CLSTN2: variants seen among roughly 807,000 people sequenced by gnomAD.
CLSTN2 encodes the protein calsyntenin-2.
Under a neutral mutation model 101.2 loss-of-function variants are expected in CLSTN2, and 48 were observed. The ratio of observed to expected loss-of-function variants is 0.47; its 90% CI spans 0.38 to 0.60. The LOEUF (loss-of-function observed/expected upper bound fraction) is 0.60. Ranked by LOEUF, CLSTN2 falls within the 20% of genes least tolerant of loss-of-function variation. CLSTN2 has a pLI of 0.00. For synonymous variants in CLSTN2, 481 were observed against 463.6 expected, an observed-to-expected ratio of 1.04 and a Z score of -0.48; for missense variants, 1,160 against 1,238.2, an observed-to-expected ratio of 0.94 and a Z score of 0.95.
intron 2 of CLSTN2, among the ~76,000 whole-genome samples, chr3:140,347,701 T>A (rs912839705): frequency 1.3e-5 from 2 of 152,222 alleles, no homozygotes; most frequent in Admixed American, 1.3e-4. Context: ...TGTGTGTTCT[T>A]TTCACATGAA....
chr3:140,430,769 A>C lies in CLSTN2; in HGVS notation c.787+9495A>C, dbSNP rs534450284. Among the ~76,000 whole-genome samples the C allele has an allele frequency of 2.6e-5, 4 of 152,334 alleles. No homozygotes were observed. The South Asian group carries it at 8.3e-4, about 32-fold the overall frequency. On this transcript the variant is annotated intron_variant, in intron 5 of 16. Transcript: ENST00000458420. ...AGTGTAACAGTCCAAAGCAAAGTTC[A>C]CTGCACAAAGGGCAGGAACATCCTG...
At chr3:140,404,814 C>A in intron 4 of CLSTN2, 48 bp downstream of exon 4, 1 of 1,496,688 alleles carries the variant, frequency 6.7e-7, no homozygotes, top group Non-Finnish European at 9.3e-7. Context: ...ACAAATCCAT[C>A]GCCTCCACTC....
chr3:140,271,426 A>C (rs961715135), intron 2 of CLSTN2, among the ~76,000 whole-genome samples: 2 of 152,168 alleles, frequency 1.3e-5, no homozygotes, highest in Non-Finnish European at 2.9e-5. Context: ...TACATGGCAA[A>C]TATTTCTGTT....
chr3:140,413,089 G>T (rs767512815), intron 4 of CLSTN2, among the ~76,000 whole-genome samples: 1 of 151,948 alleles, frequency 6.6e-6, no homozygotes, highest in Non-Finnish European at 1.5e-5. Context: ...CCGTATAAAA[G>T]ATCAATGACA....
intron 8 of CLSTN2, among the ~76,000 whole-genome samples, chr3:140,494,206 A>G (rs1004415342): frequency 1.3e-5 from 2 of 152,184 alleles, no homozygotes; most frequent in African/African-American, 4.8e-5. Flanking sequence ...TCAGGGTGCA[A>G]AGCATATACA....
chr3:140,264,417 T>G (rs1478093667), intron 2 of CLSTN2, among the ~76,000 whole-genome samples: 2 of 74,928 alleles, frequency 2.7e-5, no homozygotes, highest in Admixed American at 1.1e-4. Context: ...TATATATATA[T>G]ATATATATAT....
At chr3:139,950,804 C>A (rs946544583) in intron 1 of CLSTN2, among the ~76,000 whole-genome samples, 2 of 152,126 alleles carry the variant, frequency 1.3e-5, no homozygotes, top group African/African-American at 4.8e-5. Context: ...AATGCTTGGG[C>A]CCAACCATAC....
intron 8 of CLSTN2, among the ~76,000 whole-genome samples, chr3:140,478,183 T>C (rs1934028879): frequency 6.6e-6 from 1 of 152,190 alleles, no homozygotes; most frequent in South Asian, 2.1e-4. Context: ...CTAACACAAA[T>C]ATGTGTTTAA....
intron 10 of CLSTN2, among the ~76,000 whole-genome samples, chr3:140,551,803 T>G (rs929461648): frequency 2.0e-5 from 3 of 148,480 alleles, no homozygotes; most frequent in African/African-American, 4.9e-5. Context: ...AAATTATATA[T>G]TACATATAAA....
intron 5 of CLSTN2, among the ~76,000 whole-genome samples, chr3:140,434,180 C>T (rs1169971466): frequency 6.6e-6 from 1 of 152,160 alleles, no homozygotes; most frequent in Admixed American, 6.5e-5. Flanking sequence ...AACAGTGCCC[C>T]CTTCTCCCCA....
At chr3:140,303,229 G>T (rs903798794) in intron 2 of CLSTN2, among the ~76,000 whole-genome samples, 1 of 152,184 alleles carries the variant, frequency 6.6e-6, no homozygotes, top group African/African-American at 2.4e-5. Flanking sequence ...CTTATTTTGT[G>T]CCAAGCATAT....
intron 2 of CLSTN2, among the ~76,000 whole-genome samples, chr3:140,199,524 C>T (rs931318419): frequency 6.6e-6 from 1 of 152,196 alleles, no homozygotes; most frequent in Non-Finnish European, 1.5e-5. Flanking sequence ...CAGAAAAATC[C>T]TCTCTGGTGG....
At chr3:140,204,795 C>G (rs746123277) in intron 2 of CLSTN2, among the ~76,000 whole-genome samples, 4 of 152,194 alleles carry the variant, frequency 2.6e-5, no homozygotes, top group Non-Finnish European at 5.9e-5. Context: ...TCTTATTCCC[C>G]TGGTTACTGC....
At chr3:139,978,453 T>G (rs1426040) in intron 1 of CLSTN2, among the ~76,000 whole-genome samples, 124,480 of 152,116 alleles carry the variant, frequency 0.82, 51,508 homozygotes, top group Admixed American at 0.88. Flanking sequence ...ACCCAGAGCA[T>G]AAGAATGATA....
At chr3:140,212,183 G>A (rs139525211) in intron 2 of CLSTN2, among the ~76,000 whole-genome samples, 312 of 152,266 alleles carry the variant, frequency 2.0e-3, no homozygotes, top group African/African-American at 7.2e-3. Flanking sequence ...TTTCCTGAAT[G>A]AGCAGTCATT....
intron 8 of CLSTN2, among the ~76,000 whole-genome samples, chr3:140,496,031 T>C (rs1934458153): frequency 6.6e-6 from 1 of 152,244 alleles, no homozygotes; most frequent in African/African-American, 2.4e-5. Flanking sequence ...GGGAATAGCA[T>C]TGAATCTATA....
intron 4 of CLSTN2, among the ~76,000 whole-genome samples, chr3:140,409,807 G>T (rs1478145150): frequency 3.3e-5 from 5 of 151,704 alleles, no homozygotes; most frequent in African/African-American, 1.2e-4. Flanking sequence ...AACTAAATCA[G>T]GAAAACTTTG....
At chr3:140,472,939 T>G (rs912845938) in intron 8 of CLSTN2, among the ~76,000 whole-genome samples, 6 of 152,188 alleles carry the variant, frequency 3.9e-5, no homozygotes, top group Non-Finnish European at 8.8e-5. Context: ...CCTGACTGTT[T>G]CCATTTCAAA....
rs1038157945 is a variant in CLSTN2 at position 140,359,906 on chromosome 3, T to A, written c.233-43723T>A. On this transcript the variant is annotated intron_variant, in intron 2 of 16. Transcript: ENST00000458420. Reference sequence around the variant, plus strand: ...GGTGGAAGCTCAGCAGATACAGATATAAATATAGATAGATGTTGATATAAA... The same window carrying A: ...GGTGGAAGCTCAGCAGATACAGATAAAAATATAGATAGATGTTGATATAAA... Among the ~76,000 whole-genome samples, 9 of 151,982 alleles carry A rather than the reference T, an allele frequency of 5.9e-5. No homozygotes were observed. In the East Asian group the frequency reaches 1.7e-3, roughly 29 times the overall value.
Sources: gnomAD v4.1 joint callset for allele counts (sites outside exome capture counted in the v4.1 genomes callset) on GRCh38, gnomAD v4.1.1 for gene constraint, MANE v1.5 for transcripts, NCBI Gene and HGNC (gene_info 2026-07-23, HGNC 2026-07-21) for gene names.